The following LRFN2 variants were observed in gnomAD, a reference collection of about 807,000 sequenced individuals.
LRFN2 encodes leucine-rich repeat and fibronectin type-III domain-containing protein 2.
LRFN2 carries 18 observed loss-of-function variants against 37.3 expected under a neutral mutation model. The observed-to-expected ratio is 0.48, with a 90% confidence interval of 0.33 to 0.72. The LOEUF (loss-of-function observed/expected upper bound fraction) is 0.72, where lower values mean the gene tolerates loss of function less well. Among genes scored for constraint, LRFN2 ranks in the 30% least tolerant of loss-of-function variants. LRFN2 has a pLI of 0.02. For synonymous variants in LRFN2, 556 were observed against 466.6 expected, an observed-to-expected ratio of 1.19 and a Z score of -2.47; for missense variants, 1,006 against 1,060.7, an observed-to-expected ratio of 0.95 and a Z score of 0.72.
At position 40,420,511 on chromosome 6, in the gene LRFN2, C is replaced by G. The variant is rs1763201498; in HGVS notation, c.1400+11203G>C. ...CAGGCTGGCCTCAGCCACAAACTGG[C>G]TACTGGTTGCTGGGACTGTGTGGGC... On this transcript the variant is annotated intron_variant, in intron 2 of 2. Transcript: ENST00000338305. Among the ~76,000 whole-genome samples, 4 of 152,258 alleles carry G rather than the reference C, an allele frequency of 2.6e-5. No homozygotes were observed. In the South Asian group the frequency reaches 8.3e-4, roughly 32 times the overall value.
In LRFN2 at chr6:40,391,993, C is replaced by T. The variant is rs1025248414; in HGVS notation, c.2320G>A (p.Ala774Thr). Residue 774 changes from alanine (A) to threonine (T), a missense_variant, in exon 3 of 3, where the codon GCC becomes ACC. Around this residue, in one of 4 missense-constraint regions of LRFN2, gnomAD observed 398 missense variants for 327.6 expected, o/e 1.21. Coordinates refer to ENST00000338305, the MANE Select transcript of LRFN2 (RefSeq NM_020737.3). ...LPFEESDLVGARGTFGSSEWV... is the reference protein window; with the variant it reads ...LPFEESDLVGTRGTFGSSEWV... ...TCGGAGCTGCCAAAAGTCCCCCGGG[C>T]CCCCACCAGGTCACTCTCCTCAAAG... 1.2e-6 allele frequency: 2 copies of T among 1,605,442 alleles called. No individual in the cohort carries two copies. The highest frequency in any genetic ancestry group is 1.1e-5 in the South Asian group (1 of 89,510).
intron 2 of LRFN2, among the ~76,000 whole-genome samples, chr6:40,418,755 C>T (rs997743039): frequency 6.6e-6 from 1 of 152,168 alleles, no homozygotes; most frequent in Admixed American, 6.5e-5. Context: ...AAGTGGCAAT[C>T]ATGGATCACA....
At chr6:40,496,883 A>C (rs1765240315) in intron 1 of LRFN2, among the ~76,000 whole-genome samples, 1 of 152,128 alleles carries the variant, frequency 6.6e-6, no homozygotes, top group Admixed American at 6.5e-5. Context: ...GGACCTAACT[A>C]ATAATCTCAG....
intron 1 of LRFN2, among the ~76,000 whole-genome samples, chr6:40,435,138 T>TTATA (rs1207663402): frequency 1.7e-5 from 2 of 116,870 alleles, no homozygotes; most frequent in Non-Finnish European, 3.4e-5. Flanking sequence ...ATTATGTATT[T>TTATA]TATATATATA....
chr6:40,443,128 G>T (rs756673311), intron 1 of LRFN2, among the ~76,000 whole-genome samples: 18 of 152,268 alleles, frequency 1.2e-4, no homozygotes, highest in Middle Eastern at 3.4e-3. Flanking sequence ...TGGAGAACAG[G>T]TTATAGACAA....
At chr6:40,518,184 G>T (rs149608931) in intron 1 of LRFN2, among the ~76,000 whole-genome samples, 12 of 152,264 alleles carry the variant, frequency 7.9e-5, no homozygotes, top group Admixed American at 6.5e-4. Context: ...AAGAACCATT[G>T]TGGACACTTA....
At chr6:40,431,572 G>A (rs1561851355) in intron 2 of LRFN2, 142 bp downstream of exon 2, 13 of 600,894 alleles carry the variant, frequency 2.2e-5, no homozygotes, top group Middle Eastern at 4.5e-4. Context: ...TTACCTGCAC[G>A]AATGGCACAG....
At chr6:40,457,440 G>A (rs1388474864) in intron 1 of LRFN2, among the ~76,000 whole-genome samples, 1 of 151,914 alleles carries the variant, frequency 6.6e-6, no homozygotes, top group South Asian at 2.1e-4. Context: ...AAATGTAGGT[G>A]GAGCTTGCCT....
intron 1 of LRFN2, among the ~76,000 whole-genome samples, chr6:40,558,236 C>T (rs1199120397): frequency 1.3e-5 from 2 of 152,202 alleles, no homozygotes; most frequent in Non-Finnish European, 2.9e-5. Flanking sequence ...CACCTCCTCT[C>T]CCTGTGGATC....
intron 1 of LRFN2, among the ~76,000 whole-genome samples, chr6:40,434,547 G>A (rs910525670): frequency 1.3e-5 from 2 of 151,328 alleles, no homozygotes; most frequent in Non-Finnish European, 2.9e-5. Context: ...CGCAATCTTG[G>A]CTCACTGCAA....
intron 2 of LRFN2, among the ~76,000 whole-genome samples, chr6:40,411,853 A>G (rs1294251856): frequency 6.6e-6 from 1 of 151,856 alleles, no homozygotes; most frequent in Non-Finnish European, 1.5e-5. Flanking sequence ...CCCAGCACCC[A>G]TATCATTTAC....
intron 1 of LRFN2, among the ~76,000 whole-genome samples, chr6:40,440,328 G>A (rs1763802957): frequency 6.6e-6 from 1 of 152,070 alleles, no homozygotes; most frequent in South Asian, 2.1e-4. Context: ...TTATTGTGTT[G>A]CAACACAATT....
intron 1 of LRFN2, among the ~76,000 whole-genome samples, chr6:40,584,857 G>C (rs1767474440): frequency 6.6e-6 from 1 of 151,772 alleles, no homozygotes; most frequent in East Asian, 1.9e-4. Flanking sequence ...GATAAGAAGA[G>C]CAATTCCTCC....
intron 1 of LRFN2, among the ~76,000 whole-genome samples, chr6:40,480,846 T>A (rs567973778): frequency 6.6e-6 from 1 of 152,328 alleles, no homozygotes. Context: ...TAGCTATTAT[T>A]TGTGACTTAA....
At chr6:40,414,293 T>C (rs1763046938) in intron 2 of LRFN2, among the ~76,000 whole-genome samples, 1 of 152,124 alleles carries the variant, frequency 6.6e-6, no homozygotes, top group Non-Finnish European at 1.5e-5. Flanking sequence ...GGCCTCAAGA[T>C]GCTGCAGACC....
chr6:40,498,517 CA>C (rs34975477), intron 1 of LRFN2, among the ~76,000 whole-genome samples: 5 of 152,084 alleles, frequency 3.3e-5, no homozygotes, highest in Non-Finnish European at 7.4e-5. Flanking sequence ...CATATCTTTA[CA>C]AAAAAAGCAT....
intron 1 of LRFN2, among the ~76,000 whole-genome samples, chr6:40,516,672 G>A (rs1007008023): frequency 7.2e-5 from 11 of 152,056 alleles, no homozygotes; most frequent in East Asian, 3.9e-4. Flanking sequence ...CCTCATTCCC[G>A]CCACAGCTAT....
intron 1 of LRFN2, among the ~76,000 whole-genome samples, chr6:40,576,822 C>G (rs1333468574): frequency 2.0e-5 from 3 of 152,080 alleles, no homozygotes; most frequent in African/African-American, 7.2e-5. Context: ...GGGTCCCACC[C>G]CCAGCTCTCC....
chr6:40,439,148 G>C (rs779520651), intron 1 of LRFN2, among the ~76,000 whole-genome samples: 1 of 152,084 alleles, frequency 6.6e-6, no homozygotes, highest in Non-Finnish European at 1.5e-5. Context: ...TGGCTGGCAC[G>C]ATATATGTGA....
Sources: gnomAD v4.1 joint callset for allele counts (sites outside exome capture counted in the v4.1 genomes callset) on GRCh38, gnomAD v4.1.1 for gene constraint, gnomAD v4.1.1 regional missense constraint, MANE v1.5 for transcripts, NCBI Gene and HGNC (gene_info 2026-07-23, HGNC 2026-07-21) for gene names.